Variants in SNX14 observed in about 807,000 individuals in gnomAD.
SNX14 encodes the protein sorting nexin 14.
Under a neutral mutation model 133.8 loss-of-function variants are expected in SNX14, and 93 were observed. That is an observed-to-expected ratio of 0.70 (90% CI 0.59 to 0.83). The LOEUF (loss-of-function observed/expected upper bound fraction) is 0.83, where lower values mean the gene tolerates loss of function less well. Among genes scored for constraint, SNX14 ranks in the 40% least tolerant of loss-of-function variants. The pLI is 0.00. For synonymous variants in SNX14, 368 were observed against 365.6 expected (o/e 1.01, Z -0.07); for missense variants, 945 against 1,094.9 (o/e 0.86, Z 1.93).
At chr6:85,536,672 G>T in intron 17 of SNX14, 120 bp downstream of exon 17, 1 of 859,692 alleles carries the variant, frequency 1.2e-6, no homozygotes, top group Non-Finnish European at 1.7e-6. Context: ...GAAGATAAAG[G>T]TAAAGTATTA....
At chr6:85,536,717 T>C in intron 17 of SNX14, 75 bp downstream of exon 17, 1 of 1,421,142 alleles carries the variant, frequency 7.0e-7, no homozygotes, top group Non-Finnish European at 9.4e-7. Flanking sequence ...AAAAGGAAAA[T>C]AATGAGTATA....
rs140489783 is a variant in SNX14, at chr6:85,558,430, C to A, written c.550-370G>T. Among the ~76,000 whole-genome samples the A allele has an allele frequency of 3.4e-4, 52 of 152,276 alleles. No homozygotes were observed. In the East Asian group the frequency reaches 8.3e-3, roughly 24 times the overall value. On this transcript the variant is annotated intron_variant, in intron 6 of 28. Coordinates refer to ENST00000314673, the MANE Select transcript of SNX14 (RefSeq NM_153816.6). Reference sequence around the variant, plus strand: ...GAAATTAGTTGAAAATGAACTTCTTCATTCAGCTTATGAGATAAATCCTGG... The same window carrying A: ...GAAATTAGTTGAAAATGAACTTCTTAATTCAGCTTATGAGATAAATCCTGG...
intron 1 of SNX14, among the ~76,000 whole-genome samples, chr6:85,588,667 A>T (rs1370567915): frequency 6.6e-6 from 1 of 152,202 alleles, no homozygotes; most frequent in Non-Finnish European, 1.5e-5. Context: ...CGCAGTCAAC[A>T]ATTCACATAC....
At chr6:85,557,866 T>A in intron 7 of SNX14, 110 bp downstream of exon 7, 3 of 683,918 alleles carry the variant, frequency 4.4e-6, no homozygotes, top group Admixed American at 2.7e-5. Context: ...TACTCTCGCA[T>A]CAACTGTGAA....
chr6:85,517,362 T>C (rs1391570336), intron 23 of SNX14, among the ~76,000 whole-genome samples: 2 of 152,216 alleles, frequency 1.3e-5, no homozygotes, highest in Non-Finnish European at 2.9e-5. Context: ...AGGCATGTAA[T>C]AAAATGTTTG....
At chr6:85,552,266 G>C (rs1039609940) in intron 7 of SNX14, among the ~76,000 whole-genome samples, 3 of 152,042 alleles carry the variant, frequency 2.0e-5, no homozygotes, top group East Asian at 3.9e-4. Context: ...TCGATCTCCT[G>C]ACCTCGTGAT....
At position 85,507,129 on chromosome 6, in the gene SNX14, C is replaced by T. The variant is rs953415025; in HGVS notation, c.2802+104G>A. 6 of 1,054,428 alleles carry T rather than the reference C, an allele frequency of 5.7e-6. No homozygotes were observed. The African/African-American group carries it at 8.1e-5, about 14-fold the overall frequency. The allele number at this position is 1,054,428 out of a possible 1,614,324, so 65.3% of individuals were successfully genotyped here. On this transcript the variant is annotated intron_variant, in intron 28 of 28. Coordinates refer to ENST00000314673, the MANE Select transcript of SNX14 (RefSeq NM_153816.6). ...CTGAGGTTAATTTTTTAAAGAACCA[C>T]AGAGAACAGAGACAAGGGTTTTCTT...
intron 1 of SNX14, 143 bp downstream of exon 1, chr6:85,593,436 G>A: frequency 7.6e-7 from 1 of 1,308,454 alleles, no homozygotes; most frequent in Middle Eastern, 2.7e-4. Flanking sequence ...CGTGCTCCCC[G>A]AGGCCGCTCC....
intron 2 of SNX14, among the ~76,000 whole-genome samples, chr6:85,572,699 A>C (rs1345571360): frequency 6.6e-6 from 1 of 152,186 alleles, no homozygotes; most frequent in Non-Finnish European, 1.5e-5. Context: ...GCTCACACCT[A>C]TAATCCTAGC....
At chr6:85,573,439 C>CA (rs766921672) in intron 2 of SNX14, among the ~76,000 whole-genome samples, 40 of 152,178 alleles carry the variant, frequency 2.6e-4, no homozygotes, top group South Asian at 6.2e-4. Context: ...AAAATGGCGC[C>CA]ACCGCACTCC....
chr6:85,519,229 T>C (rs889538766), intron 21 of SNX14, among the ~76,000 whole-genome samples: 1 of 152,204 alleles, frequency 6.6e-6, no homozygotes, highest in Non-Finnish European at 1.5e-5. Context: ...CTCAAATAAA[T>C]GTATTGATTT....
chr6:85,593,108 A>G (rs1803421674), intron 1 of SNX14, among the ~76,000 whole-genome samples: 1 of 152,202 alleles, frequency 6.6e-6, no homozygotes, highest in Non-Finnish European at 1.5e-5. Context: ...TTATTCAACA[A>G]TACTGCGGGA....
intron 21 of SNX14, among the ~76,000 whole-genome samples, chr6:85,524,526 A>C (rs1266602606): frequency 2.6e-5 from 4 of 152,202 alleles, no homozygotes; most frequent in African/African-American, 9.7e-5. Flanking sequence ...TCACGCCTGT[A>C]ATCTCAGCAC....
At chr6:85,522,100 A>G (rs952398759) in intron 21 of SNX14, among the ~76,000 whole-genome samples, 4 of 152,206 alleles carry the variant, frequency 2.6e-5, no homozygotes, top group Non-Finnish European at 4.4e-5. Flanking sequence ...ACAGGTTTCT[A>G]TATAGGACTT....
chr6:85,562,213 A>G (rs1356450381), intron 6 of SNX14, among the ~76,000 whole-genome samples: 1 of 152,118 alleles, frequency 6.6e-6, no homozygotes, highest in Non-Finnish European at 1.5e-5. Flanking sequence ...GAGTATATGT[A>G]CCACATTTTC....
At chr6:85,536,974 G>A (rs1380635653) in intron 16 of SNX14, 50 bp from the exon 17 acceptor site, 2 of 1,522,180 alleles carry the variant, frequency 1.3e-6, no homozygotes, top group South Asian at 1.3e-5. Context: ...TATCACAACA[G>A]TCTAGTTTAT....
chr6:85,574,183 T>G, intron 2 of SNX14, 75 bp downstream of exon 2: 1 of 1,182,046 alleles, frequency 8.5e-7, no homozygotes. Context: ...ATATACTGCT[T>G]TAGCAGGCTT....
At chr6:85,585,051 A>C (rs1800251930) in intron 1 of SNX14, among the ~76,000 whole-genome samples, 1 of 152,244 alleles carries the variant, frequency 6.6e-6, no homozygotes, top group Non-Finnish European at 1.5e-5. Context: ...AATACTAGGC[A>C]GCCATAAAAA....
intron 8 of SNX14, among the ~76,000 whole-genome samples, chr6:85,549,028 G>T: frequency 6.7e-6 from 1 of 149,342 alleles, no homozygotes; most frequent in Non-Finnish European, 1.5e-5. Flanking sequence ...ATACTTAAAT[G>T]TTTATTATAT....
Sources: allele counts gnomAD v4.1 joint callset (sites outside exome capture counted in the v4.1 genomes callset), GRCh38; gene constraint gnomAD v4.1.1; transcripts MANE v1.5; gene names NCBI Gene and HGNC (gene_info 2026-07-23, HGNC 2026-07-21).